Variants in RSPO1 observed in about 807,000 individuals in gnomAD.
RSPO1 encodes R-spondin 1.
Under a neutral mutation model 26.0 loss-of-function variants are expected in RSPO1, and 18 were observed. That is an observed-to-expected ratio of 0.69 (90% CI 0.48 to 1.03). The LOEUF (loss-of-function observed/expected upper bound fraction) is 1.03. RSPO1 is among the 50% of genes least tolerant of loss of function. The pLI is 0.00. For synonymous variants in RSPO1, 133 were observed against 137.4 expected, an observed-to-expected ratio of 0.97 and a Z score of 0.22; for missense variants, 309 against 352.3, an observed-to-expected ratio of 0.88 and a Z score of 0.98.
In RSPO1 at chr1:37,611,905, A is replaced by C. The variant is rs1252937171; in HGVS notation, c.*850T>G. On this transcript the variant is annotated 3_prime_UTR_variant, in exon 7 of 7. Transcript: ENST00000356545. Reference sequence around the variant, plus strand: ...GTCTGGAATGAGACCTGAGATTCTCATTCCTAACAAGCTGCCCTGTGACAA... The same window carrying C: ...GTCTGGAATGAGACCTGAGATTCTCCTTCCTAACAAGCTGCCCTGTGACAA... The C allele has an allele frequency of 6.6e-6, 1 of 152,262 alleles. No individual in the cohort carries two copies. The highest frequency in any genetic ancestry group is 1.5e-5 in the Non-Finnish European group (1 of 68,098). 9.4% of individuals were successfully genotyped at this position (152,262 alleles called of 1,614,324 possible).
At chr1:37,628,463 TG>T (rs1022494813) in intron 3 of RSPO1, among the ~76,000 whole-genome samples, 2 of 152,188 alleles carry the variant, frequency 1.3e-5, no homozygotes, top group Non-Finnish European at 2.9e-5. Context: ...CAGCCTTCAC[TG>T]GGGGGCCTCC....
rs1644329842 is a variant in RSPO1 at position 37,629,776 on chromosome 1, G to T, written c.-115C>A. 7 of 1,553,678 alleles carry T rather than the reference G, an allele frequency of 4.5e-6. No homozygotes were observed. The East Asian group carries it at 1.5e-4, about 32-fold the overall frequency. On this transcript the variant is annotated 5_prime_UTR_variant, in exon 3 of 7. Transcript: ENST00000356545. Reference sequence around the variant, plus strand: ...GGTCAGCAGCAGGAGGCCCAGGCCTGGGCCGTAGCCCAAATCCACCATAAT... The same window carrying T: ...GGTCAGCAGCAGGAGGCCCAGGCCTTGGCCGTAGCCCAAATCCACCATAAT...
At chr1:37,626,242 C>T (rs886602167) in intron 3 of RSPO1, among the ~76,000 whole-genome samples, 4 of 152,186 alleles carry the variant, frequency 2.6e-5, no homozygotes, top group Admixed American at 6.5e-5. Flanking sequence ...CCCCTCAGCC[C>T]CAGACAGCTT....
chr1:37,624,163 G>A lies in RSPO1; in HGVS notation c.94+5405C>T, dbSNP rs116164855. Among the ~76,000 whole-genome samples, 649 of 152,238 alleles carry A rather than the reference G, an allele frequency of 4.3e-3. 4 individuals carry two copies. Among genetic ancestry groups the A allele is most frequent in the African/African-American group, 0.015 (622 of 41,544 alleles). On this transcript the variant is annotated intron_variant, in intron 3 of 6. Coordinates refer to ENST00000356545, the MANE Select transcript of RSPO1 (RefSeq NM_001242908.2). The stretch of plus-strand genomic sequence containing the variant: ...CTAGCTGGGCACAGTGGCACATGCT[G>A]TAGTCCCAGCTACTCAGGAGGCTGA...
rs1240556302 is a variant in RSPO1 at position 37,634,187 on chromosome 1, G to A, written c.-356+379C>T. 1.3e-5 allele frequency among the ~76,000 whole-genome samples: 2 copies of A among 152,168 alleles called. No individual in the cohort carries two copies. Among genetic ancestry groups the A allele is most frequent in the African/African-American group, 4.8e-5 (2 of 41,440 alleles). On this transcript the variant is annotated intron_variant, in intron 1 of 6. Transcript: ENST00000356545. The surrounding 1 kb of genome is among the most constrained non-coding windows in gnomAD (Gnocchi z 4.7). ...GGGGTGGGGGTCACCAGAGACCGTG[G>A]GACTTGGGGGAATCCGAGCCAATGA...
intron 3 of RSPO1, among the ~76,000 whole-genome samples, chr1:37,625,112 T>C (rs1185877368): frequency 6.6e-6 from 1 of 152,244 alleles, no homozygotes; most frequent in Non-Finnish European, 1.5e-5. Context: ...ACCACACCCC[T>C]AGTACTTGAA....
chr1:37,623,513 G>A (rs1365878583), intron 3 of RSPO1, among the ~76,000 whole-genome samples: 1 of 151,988 alleles, frequency 6.6e-6, no homozygotes, highest in East Asian at 2.0e-4. Flanking sequence ...AGAAGCCTAG[G>A]GGAGGAGGGT....
Position 37,629,808 on chromosome 1 carries a change from TG to T in RSPO1, c.-148del. 1 of 1,550,942 alleles carries T rather than the reference TG, an allele frequency of 6.4e-7. No homozygotes were observed. The highest frequency in any genetic ancestry group is 8.7e-7 in the Non-Finnish European group (1 of 1,146,632). On this transcript the variant is annotated 5_prime_UTR_variant, in exon 3 of 7. It removes the in-frame stop codon of an upstream open reading frame in the 5' UTR. Transcript: ENST00000356545. ...AGCCCAAATCCACCATAATCTCAGCTGGGGACAGAGAGGGTGTGGGGAGCCC... is the reference window on the plus strand; with the variant it reads ...AGCCCAAATCCACCATAATCTCAGCTGGGACAGAGAGGGTGTGGGGAGCCC...
At chr1:37,615,397 G>A (rs918426348) in intron 4 of RSPO1, among the ~76,000 whole-genome samples, 1 of 152,164 alleles carries the variant, frequency 6.6e-6, no homozygotes, top group Non-Finnish European at 1.5e-5. Flanking sequence ...ACCCTAGGGG[G>A]TAAAAACAAA....
rs376671417 is a variant in RSPO1, at chr1:37,616,593, C to T, written c.177G>A (p.Lys59=). The T allele has an allele frequency of 1.2e-6, 2 of 1,614,056 alleles. No individual in the cohort carries two copies. The highest frequency in any genetic ancestry group is 1.7e-6 in the Non-Finnish European group (2 of 1,180,038). The change falls in exon 4 of 7, where the codon AAG becomes AAA. Residue 59 remains lysine (K), a synonymous_variant. Transcript: ENST00000356545. ...CGTTCCTCTCCAGCAGGATGAACAG[C>T]TTGGGTGAGCACTTGAGGCAGCCGT... The part of the protein sequence containing the change: ...EVNGCLKCSP[K]LFILLERNDI...
At chr1:37,614,905 G>C (rs1176123450) in intron 4 of RSPO1, among the ~76,000 whole-genome samples, 1 of 152,218 alleles carries the variant, frequency 6.6e-6, no homozygotes, top group Middle Eastern at 3.2e-3. Flanking sequence ...GCCTCTGCAA[G>C]GCTGAGTTCC....
At position 37,613,974 on chromosome 1, in the gene RSPO1, G is replaced by A. The variant is rs551132121; in HGVS notation, c.437-82C>T. 2 of 1,496,318 alleles carry A rather than the reference G, an allele frequency of 1.3e-6. No individual in the cohort carries two copies. The highest frequency in any genetic ancestry group is 2.3e-5 in the South Asian group (2 of 88,408). The allele number at this position is 1,496,318 out of a possible 1,614,324, so 92.7% of individuals were successfully genotyped here. ...TCCTCTGGCCCAGAATAGCCCAGGGGAGCATCTCCCACTTTCCTTCTGCCT... is the reference window on the plus strand; with the variant it reads ...TCCTCTGGCCCAGAATAGCCCAGGGAAGCATCTCCCACTTTCCTTCTGCCT... On this transcript the variant is annotated intron_variant, in intron 5 of 6. Coordinates refer to ENST00000356545, the MANE Select transcript of RSPO1 (RefSeq NM_001242908.2). The surrounding 1 kb of genome is among the most constrained non-coding windows in gnomAD (Gnocchi z 4.5).
chr1:37,630,412 T>C (rs1644341198), intron 2 of RSPO1, among the ~76,000 whole-genome samples: 2 of 152,252 alleles, frequency 1.3e-5, no homozygotes, highest in African/African-American at 4.8e-5. Flanking sequence ...TCACCTGTCC[T>C]GGAGTTAGAG....
At chr1:37,616,400 G>T in intron 4 of RSPO1, 84 bp downstream of exon 4, 4 of 1,347,696 alleles carry the variant, frequency 3.0e-6, no homozygotes, top group East Asian at 2.3e-5. Context: ...TGCTCCTCTT[G>T]CCAGCCACCA....
At position 37,616,565 on chromosome 1, in the gene RSPO1, T is replaced by C. The variant is rs776325808; in HGVS notation, c.205A>G (p.Ile69Val). ...GGCAAGCAGACGCCCACCTGGCGGA[T>C]GTCGTTCCTCTCCAGCAGGATGAAC... Reference protein sequence around the residue: ...KLFILLERNDIRQVGVCLPSC... With the variant: ...KLFILLERNDVRQVGVCLPSC... Residue 69 changes from isoleucine (I) to valine (V), a missense_variant, in exon 4 of 7, where the codon ATC (isoleucine) becomes GTC (valine). Physicochemically the swap from Ile to Val is conservative, Grantham distance 29. Coordinates refer to ENST00000356545, the MANE Select transcript of RSPO1 (RefSeq NM_001242908.2). The C allele has an allele frequency of 1.2e-6, 2 of 1,614,210 alleles. No homozygotes were observed. Among genetic ancestry groups the C allele is most frequent in the East Asian group, 2.2e-5 (1 of 44,882 alleles).
intron 2 of RSPO1, among the ~76,000 whole-genome samples, chr1:37,631,221 G>T (rs1470581509): frequency 6.6e-6 from 1 of 152,136 alleles, no homozygotes; most frequent in East Asian, 1.9e-4. Context: ...TCCCTCCTTG[G>T]CCTCTCCCGC....
chr1:37,614,705 C>T (rs893941144), intron 4 of RSPO1, among the ~76,000 whole-genome samples: 36 of 152,212 alleles, frequency 2.4e-4, no homozygotes, highest in African/African-American at 8.4e-4. Flanking sequence ...TTCAGCATCT[C>T]ACAGCATCCA....
Position 37,621,332 on chromosome 1 carries a change from A to G in RSPO1, c.95-4657T>C, listed in dbSNP as rs78852215. On this transcript the variant is annotated intron_variant, in intron 3 of 6. Transcript: ENST00000356545. ...CAACAGGAGACACAGTCAGGATTCT[A>G]TTTTAGAAAGATCACTCCGTAGAGT... 3.8e-3 allele frequency among the ~76,000 whole-genome samples: 572 copies of G among 152,282 alleles called. 2 individuals carry two copies. The highest frequency in any genetic ancestry group is 0.013 in the African/African-American group (539 of 41,556).
At chr1:37,633,648 G>A (rs920332370) in intron 1 of RSPO1, among the ~76,000 whole-genome samples, 9 of 146,128 alleles carry the variant, frequency 6.2e-5, no homozygotes, top group African/African-American at 1.5e-4. Context: ...GCAGGCGGGG[G>A]CAGAAGAATT....
Sources: allele counts gnomAD v4.1 joint callset (sites outside exome capture counted in the v4.1 genomes callset), GRCh38; gene constraint gnomAD v4.1.1; non-coding constraint Gnocchi (gnomAD v3.1); transcripts MANE v1.5; gene names NCBI Gene and HGNC (gene_info 2026-07-23, HGNC 2026-07-21).